NUDC: variants seen among roughly 807,000 people sequenced by gnomAD.
NUDC encodes the protein nuclear distribution C, dynein complex regulator.
Under a neutral mutation model 45.0 loss-of-function variants are expected in NUDC, and 14 were observed. That is an observed-to-expected ratio of 0.31 (90% CI 0.21 to 0.49). NUDC has a LOEUF of 0.49. NUDC is among the 20% of genes least tolerant of loss of function. The pLI, the probability that NUDC is intolerant of heterozygous loss-of-function variation, is 0.99. For synonymous variants in NUDC, 153 were observed against 156.7 expected, an observed-to-expected ratio of 0.98 and a Z score of 0.17; for missense variants, 323 against 426.2, an observed-to-expected ratio of 0.76 and a Z score of 2.13.
In NUDC at chr1:26,942,879, C is replaced by G; in HGVS notation, c.555C>G (p.Val185=). Residue 185 remains valine (V), a synonymous_variant, in exon 6 of 9, where the codon GTC becomes GTG. Coordinates refer to ENST00000321265, the MANE Select transcript of NUDC (RefSeq NM_006600.4). ...TQTLSELDLA[V]PFCVNFRLKG... is the part of the protein sequence containing the mutation. ...GCCTCTGCCCTATGCAGCTGGCGGTCCCTTTCTGTGTGAACTTCCGGCTGA... is the reference window on the plus strand; with the variant it reads ...GCCTCTGCCCTATGCAGCTGGCGGTGCCTTTCTGTGTGAACTTCCGGCTGA... 4 of 1,613,706 alleles carry G rather than the reference C, an allele frequency of 2.5e-6. No individual in the cohort carries two copies. Among genetic ancestry groups the G allele is most frequent in the Non-Finnish European group, 3.4e-6 (4 of 1,180,030 alleles).
rs370504517 is a variant in NUDC at position 26,943,290 on chromosome 1, C to G, written c.741+225C>G. On this transcript the variant is annotated intron_variant, in intron 6 of 8. Coordinates refer to ENST00000321265, the MANE Select transcript of NUDC (RefSeq NM_006600.4). Reference sequence around the variant, plus strand: ...TAACACCTTCTTAGCTCACTGCAGCCTTGAACCCTTGGGCCCAAGCAATTC... The same window carrying G: ...TAACACCTTCTTAGCTCACTGCAGCGTTGAACCCTTGGGCCCAAGCAATTC... Among the ~76,000 whole-genome samples the G allele has an allele frequency of 3.9e-5, 6 of 152,274 alleles. No homozygotes were observed. The South Asian group carries it at 1.2e-3, about 32-fold the overall frequency.
chr1:26,900,654 C>A (rs1265815882), intron 1 of NUDC, among the ~76,000 whole-genome samples: 1 of 152,132 alleles, frequency 6.6e-6, no homozygotes, highest in Non-Finnish European at 1.5e-5. Flanking sequence ...AAAATGGGGT[C>A]ATAGAGTTCT....
At chr1:26,928,707 C>T (rs564581117) in intron 2 of NUDC, among the ~76,000 whole-genome samples, 2 of 152,156 alleles carry the variant, frequency 1.3e-5, no homozygotes, top group East Asian at 3.9e-4. Context: ...CAAAACAAAA[C>T]CCACAATGAG....
At chr1:26,917,896 A>T (rs1323084753), upstream of NUDC, among the ~76,000 whole-genome samples, 1 of 152,032 alleles carries the variant, frequency 6.6e-6, no homozygotes, top group Non-Finnish European at 1.5e-5. Context: ...CAAAAAAAAA[A>T]AAAAGAAGAA....
At chr1:26,901,365 A>G (rs2081977725) in intron 1 of NUDC, among the ~76,000 whole-genome samples, 1 of 148,152 alleles carries the variant, frequency 6.7e-6, no homozygotes, top group Non-Finnish European at 1.5e-5. Context: ...TGTTAGGATT[A>G]CAGGTGTGAG....
intron 2 of NUDC, among the ~76,000 whole-genome samples, chr1:26,927,176 G>C (rs2082139280): frequency 6.7e-6 from 1 of 150,360 alleles, no homozygotes; most frequent in African/African-American, 2.5e-5. Context: ...TAAGAAGGGA[G>C]AGAGATGAAC....
chr1:26,901,386 C>T (rs558239449), intron 1 of NUDC, among the ~76,000 whole-genome samples: 320 of 148,248 alleles, frequency 2.2e-3, no homozygotes, highest in African/African-American at 7.1e-3. Flanking sequence ...CCACGGTCCC[C>T]GCCTTTTTGT....
At chr1:26,900,383 G>C (rs757629696) in exon 1 of NUDC, 10 of 1,613,984 alleles carry the variant, frequency 6.2e-6, no homozygotes, top group Non-Finnish European at 8.5e-6. Flanking sequence ...ACACGGAGGG[G>C]ATACCGCTCA....
rs199748967 is a variant in NUDC, at chr1:26,942,985, G to A, written c.661G>A (p.Glu221Lys). The A allele has an allele frequency of 6.8e-5, 109 of 1,614,176 alleles. No individual in the cohort carries two copies. Among genetic ancestry groups the A allele is most frequent in the Non-Finnish European group, 8.7e-5 (103 of 1,180,022 alleles). ...GGGGCAGCCAGCGATCATTGATGGG[G>A]AGCTCTACAATGAAGTGAAGGTGGA... ...LKGQPAIIDG[E>K]LYNEVKVEES... Residue 221 changes from glutamate (E) to lysine (K), a missense_variant, in exon 6 of 9, where the codon GAG becomes AAG. Glu to Lys is a moderately conservative substitution (Grantham distance 56). Around this residue, in one of 3 missense-constraint regions of NUDC, gnomAD observed 245 missense variants for 278.8 expected, o/e 0.88. Transcript: ENST00000321265.
At chr1:26,943,956 C>T (rs28673101) in intron 6 of NUDC, among the ~76,000 whole-genome samples, 4 of 152,102 alleles carry the variant, frequency 2.6e-5, no homozygotes, top group Non-Finnish European at 4.4e-5. Context: ...CGGCTCACTG[C>T]GAGCTCCGCC....
rs1408057298 is a variant in NUDC, at chr1:26,941,799, T to G, written c.410T>G (p.Leu137Arg). ...GAGGCCCAGCTCAAGAACGGCAGCC[T>G]TGACTCCCCAGGGAAGCAGGTGAGA... Reference protein sequence around the residue: ...NHEAQLKNGSLDSPGKQDTEE... With the variant: ...NHEAQLKNGSRDSPGKQDTEE... Residue 137 changes from leucine (L) to arginine (R), a missense_variant, in exon 4 of 9, where the codon CTT becomes CGT. Transcript: ENST00000321265. 4 of 1,613,242 alleles carry G rather than the reference T, an allele frequency of 2.5e-6. No homozygotes were observed. The African/African-American group carries it at 5.3e-5, about 22-fold the overall frequency.
At chr1:26,910,511 A>T (rs2082021015) in intron 2 of NUDC, among the ~76,000 whole-genome samples, 1 of 152,164 alleles carries the variant, frequency 6.6e-6, no homozygotes, top group African/African-American at 2.4e-5. Context: ...GGCCTGAATG[A>T]TGACGCCTAG....
At position 26,900,494 on chromosome 1, in the gene NUDC, G is replaced by A. The variant is rs192594111; in HGVS notation, c.-101+94G>A. On this transcript the variant is annotated intron_variant, in intron 1 of 6. Transcript: ENST00000435827. ...ACCAAGTCTCGCGAGAACACCGCGA[G>A]CAACGTTCCAGCCCCTGCGTTGCGA... The A allele has an allele frequency of 2.4e-5, 36 of 1,481,368 alleles. No homozygotes were observed. The African/African-American group carries it at 3.3e-4, about 14-fold the overall frequency. 91.8% of individuals were successfully genotyped at this position (1,481,368 alleles called of 1,614,324 possible).
chr1:26,927,548 C>A (rs2124104733), intron 2 of NUDC, among the ~76,000 whole-genome samples: 1 of 151,988 alleles, frequency 6.6e-6, no homozygotes, highest in East Asian at 1.9e-4. Context: ...CAGGCGCCCG[C>A]CCCTATGCCT....
intron 2 of NUDC, among the ~76,000 whole-genome samples, chr1:26,932,672 A>G (rs1403629823): frequency 1.3e-5 from 2 of 152,166 alleles, no homozygotes; most frequent in Non-Finnish European, 2.9e-5. Flanking sequence ...GTGAACTTAC[A>G]CTAAGAAACA....
intron 2 of NUDC, among the ~76,000 whole-genome samples, chr1:26,935,372 T>TGG (rs1339481477): frequency 6.6e-6 from 1 of 152,138 alleles, no homozygotes; most frequent in African/African-American, 2.4e-5. Flanking sequence ...TCATGTACTA[T>TGG]GGCCAGGAAA....
chr1:26,922,925 T>C (rs2082103073), intron 1 of NUDC, among the ~76,000 whole-genome samples: 1 of 152,194 alleles, frequency 6.6e-6, no homozygotes, highest in Non-Finnish European at 1.5e-5. Flanking sequence ...AAAACTGGAT[T>C]TGGGAGCGAG....
At chr1:26,903,918 G>A (rs1412208783) in intron 2 of NUDC, among the ~76,000 whole-genome samples, 1 of 151,308 alleles carries the variant, frequency 6.6e-6, no homozygotes, top group Non-Finnish European at 1.5e-5. Context: ...GGCTGAGGCA[G>A]GAGAATGGTG....
chr1:26,905,057 G>A (rs1166223495), intron 2 of NUDC, among the ~76,000 whole-genome samples: 2 of 150,576 alleles, frequency 1.3e-5, no homozygotes, highest in Admixed American at 6.6e-5. Flanking sequence ...GGCTGATCTC[G>A]AACTCCTGAC....
Sources: gnomAD v4.1 joint callset for allele counts (sites outside exome capture counted in the v4.1 genomes callset) on GRCh38, gnomAD v4.1.1 for gene constraint, gnomAD v4.1.1 regional missense constraint, MANE v1.5 for transcripts, NCBI Gene and HGNC (gene_info 2026-07-23, HGNC 2026-07-21) for gene names.